The following EPHA6 variants were observed in gnomAD, a reference collection of about 807,000 sequenced individuals.
The protein encoded by EPHA6 is ephrin type-A receptor 6.
A neutral mutation model predicts 112.0 loss-of-function variants in EPHA6; 50 were observed. The observed-to-expected ratio is 0.45, with a 90% CI of 0.36 to 0.56. The LOEUF (loss-of-function observed/expected upper bound fraction) is 0.56, where lower values mean the gene tolerates loss of function less well. Ranked by LOEUF, EPHA6 falls within the 20% of genes least tolerant of loss-of-function variation. EPHA6 has a pLI of 0.00. For missense variants in EPHA6, 1,280 were observed against 1,417.4 expected, an observed-to-expected ratio of 0.90 and a Z score of 1.56; for synonymous variants, 529 against 490.7, an observed-to-expected ratio of 1.08 and a Z score of -1.03.
intron 3 of EPHA6, among the ~76,000 whole-genome samples, chr3:97,078,872 A>G (rs757306235): frequency 5.3e-4 from 80 of 152,264 alleles, no homozygotes; most frequent in Admixed American, 1.9e-3. Context: ...TGCTGTGATC[A>G]TTGTTGAAAT....
At chr3:97,407,532 G>T (rs2087433531) in intron 6 of EPHA6, among the ~76,000 whole-genome samples, 1 of 151,858 alleles carries the variant, frequency 6.6e-6, no homozygotes, top group Non-Finnish European at 1.5e-5. Context: ...ATGTCAGAAA[G>T]AAAACATATT....
intron 3 of EPHA6, among the ~76,000 whole-genome samples, chr3:97,032,834 TA>T (rs1414904665): frequency 6.6e-6 from 1 of 151,960 alleles, no homozygotes; most frequent in South Asian, 2.1e-4. Context: ...AAATATTTTT[TA>T]TCGGCTGAAT....
At chr3:96,852,988 C>T (rs945171398) in intron 1 of EPHA6, among the ~76,000 whole-genome samples, 17 of 152,058 alleles carry the variant, frequency 1.1e-4, no homozygotes, top group African/African-American at 3.6e-4. Flanking sequence ...CTACTTACCC[C>T]GTGGTCAGAG....
At chr3:97,453,319 C>T (rs2090585819) in intron 7 of EPHA6, among the ~76,000 whole-genome samples, 1 of 151,556 alleles carries the variant, frequency 6.6e-6, no homozygotes, top group Non-Finnish European at 1.5e-5. Context: ...TCTTCCATTG[C>T]CTTAATAATT....
intron 11 of EPHA6, among the ~76,000 whole-genome samples, chr3:97,581,664 G>A (rs1289298375): frequency 6.6e-6 from 1 of 152,198 alleles, no homozygotes; most frequent in Non-Finnish European, 1.5e-5. Flanking sequence ...ACCAAAATGA[G>A]AACTGAGGCT....
chr3:97,565,612 G>A (rs1022515113), intron 11 of EPHA6, among the ~76,000 whole-genome samples: 1 of 152,158 alleles, frequency 6.6e-6, no homozygotes, highest in Non-Finnish European at 1.5e-5. Context: ...ACAAAGACAG[G>A]AAGAGTCTTG....
Position 97,500,584 on chromosome 3 carries a change from G to A in EPHA6, c.2200+16525G>A, listed in dbSNP as rs188603174. 1.7e-3 allele frequency among the ~76,000 whole-genome samples: 256 copies of A among 152,118 alleles called. 2 individuals carry two copies. Among genetic ancestry groups the A allele is most frequent in the African/African-American group, 5.4e-3 (226 of 41,524 alleles). ...AACCCAATCATTTTCCATCAGGCCC[G>A]GCCTACAACACTGGGGATTATAATT... On this transcript the variant is annotated intron_variant, in intron 10 of 17. Transcript: ENST00000389672.
At chr3:97,191,964 C>A (rs1186094379) in intron 3 of EPHA6, among the ~76,000 whole-genome samples, 1 of 152,050 alleles carries the variant, frequency 6.6e-6, no homozygotes, top group Non-Finnish European at 1.5e-5. Context: ...TATGAAGATT[C>A]CCTTTTCTCT....
At chr3:96,926,361 C>G (rs1022070521) in intron 2 of EPHA6, among the ~76,000 whole-genome samples, 2 of 152,120 alleles carry the variant, frequency 1.3e-5, no homozygotes, top group African/African-American at 4.8e-5. Flanking sequence ...GGTGGGGACA[C>G]AGAACCAGAT....
At chr3:96,984,532 C>T (rs2042943328) in intron 2 of EPHA6, among the ~76,000 whole-genome samples, 2 of 151,408 alleles carry the variant, frequency 1.3e-5, no homozygotes, top group African/African-American at 4.9e-5. Context: ...TCTGTCCATT[C>T]TCAGATCTCA....
intron 2 of EPHA6, among the ~76,000 whole-genome samples, chr3:96,883,834 A>AT (rs1233870184): frequency 6.6e-6 from 1 of 151,856 alleles, no homozygotes. Flanking sequence ...CACCTGGCTA[A>AT]TTTTTTTGTA....
chr3:96,922,078 C>A (rs933019570), intron 2 of EPHA6, among the ~76,000 whole-genome samples: 1 of 151,888 alleles, frequency 6.6e-6, no homozygotes, highest in African/African-American at 2.4e-5. Flanking sequence ...AAACAGAAAG[C>A]CTTTTTAAGA....
intron 11 of EPHA6, among the ~76,000 whole-genome samples, chr3:97,545,475 T>G (rs1274412426): frequency 1.3e-5 from 2 of 152,216 alleles, no homozygotes; most frequent in Non-Finnish European, 2.9e-5. Context: ...GAGGAGTGCT[T>G]TACTTCCAAC....
intron 4 of EPHA6, among the ~76,000 whole-genome samples, chr3:97,232,065 A>T (rs78247844): frequency 6.6e-6 from 1 of 152,136 alleles, no homozygotes; most frequent in African/African-American, 2.4e-5. Flanking sequence ...GAGGCCCTGC[A>T]GTTTCCTCTA....
chr3:97,267,713 G>C (rs886803232), intron 5 of EPHA6, among the ~76,000 whole-genome samples: 14 of 152,102 alleles, frequency 9.2e-5, no homozygotes, highest in South Asian at 2.1e-4. Flanking sequence ...TACCGTAAAA[G>C]CACAGTGGGA....
intron 10 of EPHA6, among the ~76,000 whole-genome samples, chr3:97,488,407 G>A (rs1339150268): frequency 6.6e-6 from 1 of 152,112 alleles, no homozygotes; most frequent in Non-Finnish European, 1.5e-5. Flanking sequence ...TTTCGATTCT[G>A]TTATTCCGTC....
chr3:97,735,653 T>A (rs2035220958), intron 15 of EPHA6, among the ~76,000 whole-genome samples: 1 of 151,988 alleles, frequency 6.6e-6, no homozygotes, highest in South Asian at 2.1e-4. Flanking sequence ...ACACAAAAAA[T>A]TATTTCTTAA....
intron 14 of EPHA6, among the ~76,000 whole-genome samples, chr3:97,677,772 T>C (rs911380585): frequency 6.6e-5 from 10 of 150,534 alleles, no homozygotes; most frequent in African/African-American, 2.2e-4. Flanking sequence ...AGTAGGCTTC[T>C]TGAAATTGAG....
At chr3:97,367,895 A>G (rs1361711597) in intron 5 of EPHA6, among the ~76,000 whole-genome samples, 2 of 152,218 alleles carry the variant, frequency 1.3e-5, no homozygotes, top group Non-Finnish European at 1.5e-5. Context: ...CATTTAAAAT[A>G]TAGAAGGCCA....
Sources: gnomAD v4.1 joint callset for allele counts (sites outside exome capture counted in the v4.1 genomes callset) on GRCh38, gnomAD v4.1.1 for gene constraint, MANE v1.5 for transcripts, NCBI Gene and HGNC (gene_info 2026-07-23, HGNC 2026-07-21) for gene names.